The following DACT2 variants were observed in gnomAD, a reference collection of about 807,000 sequenced individuals.
The protein encoded by DACT2 is dapper homolog 2.
DACT2 carries 20 observed loss-of-function variants against 22.2 expected under a neutral mutation model. The ratio of observed to expected loss-of-function variants is 0.90; its 90% CI spans 0.63 to 1.31. The LOEUF (loss-of-function observed/expected upper bound fraction) is 1.31. DACT2 is among the 50% of genes most tolerant of loss of function. The probability of loss-of-function intolerance (pLI) is 0.00; values close to 1 mark genes in which losing one functional copy is unlikely to be tolerated. For missense variants in DACT2, 1,048 were observed against 1,061.4 expected, an observed-to-expected ratio of 0.99 and a Z score of 0.18; for synonymous variants, 463 against 479.8, an observed-to-expected ratio of 0.96 and a Z score of 0.46.
chr6:168,298,806 G>C (rs1013282499), intron 3 of DACT2: 1 of 152,182 alleles, frequency 6.6e-6, no homozygotes, highest in Non-Finnish European at 1.5e-5. Context: ...ACACCTCCAC[G>C]TGCTGGCTGG....
At position 168,319,426 on chromosome 6, in the gene DACT2, G is replaced by C. The variant is rs1445071211; in HGVS notation, c.208C>G (p.Gln70Glu). The change falls in exon 1 of 4, where the codon CAG becomes GAG. Residue 70 changes from glutamine to glutamate, a missense_variant. Gln to Glu is a conservative substitution (Grantham distance 29, BLOSUM62 2). Coordinates refer to ENST00000366795, the MANE Select transcript of DACT2 (RefSeq NM_214462.5). ...GPHGLHGPEQ[Q>E]LEAALAALQE... ...AGCGCGGCCAGCGCCGCCTCCAGCT[G>C]CTGCTCGGGGCCGTGGAGGCCGTGG... 2 of 1,204,946 alleles carry C rather than the reference G, an allele frequency of 1.7e-6. No homozygotes were observed. Among genetic ancestry groups the C allele is most frequent in the Non-Finnish European group, 1.0e-6 (1 of 971,018 alleles). The allele number at this position is 1,204,946 out of a possible 1,614,324, so 74.6% of individuals were successfully genotyped here.
intron 3 of DACT2, chr6:168,299,238 C>T (rs1449958406): frequency 1.3e-5 from 2 of 152,174 alleles, no homozygotes; most frequent in Non-Finnish European, 2.9e-5. Flanking sequence ...GTGCAGGTCT[C>T]CCCAGCTTAG....
intron 1 of DACT2, among the ~76,000 whole-genome samples, chr6:168,314,460 A>G (rs1182990721): frequency 6.6e-6 from 1 of 152,226 alleles, no homozygotes; most frequent in Non-Finnish European, 1.5e-5. Flanking sequence ...AAGCCTGGGA[A>G]CCTGCATTTT....
downstream of DACT2, among the ~76,000 whole-genome samples, chr6:168,303,080 T>C (rs1779138381): frequency 6.6e-6 from 1 of 152,210 alleles, no homozygotes; most frequent in South Asian, 2.1e-4. Flanking sequence ...TTTTGCCCTT[T>C]TTTCACTGAT....
Position 168,308,675 on chromosome 6 carries a change from G to T in DACT2, c.1082C>A (p.Ala361Glu). 6.5e-7 allele frequency: 1 copy of T among 1,545,262 alleles called. No individual in the cohort carries two copies. The highest frequency in any genetic ancestry group is 8.7e-7 in the Non-Finnish European group (1 of 1,146,854). The change falls in exon 4 of 4, where the codon GCG becomes GAG. Residue 361 changes from alanine (A) to glutamate (E), a missense_variant. By Grantham distance (107) the Ala-to-Glu change is moderately radical (BLOSUM62 -1). Coordinates refer to ENST00000366795, the MANE Select transcript of DACT2 (RefSeq NM_214462.5). ...ACCCTGCCTCTGTGGAGATGGGGAC[G>T]CTGCATGCCTTAGAGGTCCCTGTTC... ...EGEQGPLRHAASPSPQRQGGW... is the reference protein window; with the variant it reads ...EGEQGPLRHAESPSPQRQGGW...
intron 1 of DACT2, 92 bp downstream of exon 1, chr6:168,319,296 C>T (rs1265064169): frequency 3.7e-6 from 4 of 1,092,442 alleles, no homozygotes; most frequent in Non-Finnish European, 4.5e-6. Context: ...CCATCAGACA[C>T]CCCCGTCCCA....
At position 168,296,258 on chromosome 6, in the gene DACT2, T is replaced by C. The variant is rs10081129; in HGVS notation, c.659-1554A>G. Among the ~76,000 whole-genome samples the C allele has an allele frequency of 9.2e-4, 98 of 107,004 alleles. 6 individuals are homozygous for C. Among genetic ancestry groups the C allele is most frequent in the Middle Eastern group, 6.1e-3 (1 of 164 alleles). 70.2% of individuals were successfully genotyped at this position (107,004 alleles called of 152,430 possible). A position where few individuals can be genotyped will look rare whatever the true frequency, so the allele number is the denominator to read the frequency against. ...AGGGAAAGAGCAGATCCATCCACAG[T>C]GGTGAGAAGATGCTCATGGAGGACA... On this transcript the variant is annotated intron_variant, in intron 3 of 5. Transcript: ENST00000366796.
intron 1 of DACT2, among the ~76,000 whole-genome samples, chr6:168,312,533 G>C (rs966969377): frequency 7.9e-5 from 12 of 152,238 alleles, no homozygotes; most frequent in Non-Finnish European, 7.3e-5. Flanking sequence ...CCTGCCCTGA[G>C]AGGCTGCGCC....
intron 3 of DACT2, chr6:168,294,722 C>T: frequency 7.1e-7 from 1 of 1,405,552 alleles, no homozygotes; most frequent in Non-Finnish European, 9.4e-7. Context: ...GAACAAAATG[C>T]AAATGTGCGT....
Position 168,308,725 on chromosome 6 carries a change from C to G in DACT2, c.1032G>C (p.Glu344Asp), listed in dbSNP as rs953090262. 38 of 1,550,412 alleles carry G rather than the reference C, an allele frequency of 2.5e-5. No homozygotes were observed. The East Asian group carries it at 8.8e-4, about 36-fold the overall frequency. Residue 344 changes from glutamate to aspartate, a missense_variant, in exon 4 of 4, where the codon GAG (glutamate) becomes GAC (aspartate). Transcript: ENST00000366795. Reference protein sequence around the residue: ...IDRLLHLWGRETPAKGSEGEQ... With the variant: ...IDRLLHLWGRDTPAKGSEGEQ... Reference sequence around the variant, plus strand: ...CTCCCTCGCTACCCTTTGCTGGGGTCTCCCGGCCCCACAGATGCAGCAACC... The same window carrying G: ...CTCCCTCGCTACCCTTTGCTGGGGTGTCCCGGCCCCACAGATGCAGCAACC...
At position 168,307,460 on chromosome 6, in the gene DACT2, G is replaced by A. The variant is rs950560804; in HGVS notation, c.2297C>T (p.Thr766Met). The A allele has an allele frequency of 2.4e-5, 37 of 1,551,564 alleles. No individual in the cohort carries two copies. Among genetic ancestry groups the A allele is most frequent in the African/African-American group, 2.1e-4 (15 of 73,054 alleles). ...CACCATGGTCATGACCTTCAGGGCC[G>A]TCGGCTGGAACCTGCGGATCTTCTT... is the stretch of plus-strand genomic sequence containing the variant. ...LKKKIRRFQP[T>M]ALKVMTMV is the part of the protein sequence containing the mutation. The change falls in exon 4 of 4, where the codon ACG (threonine) becomes ATG (methionine). Residue 766 changes from threonine to methionine, a missense_variant. Physicochemically the swap from Thr to Met is moderately conservative, Grantham distance 81 (BLOSUM62 -1). Coordinates refer to ENST00000366795, the MANE Select transcript of DACT2 (RefSeq NM_214462.5). The surrounding 1 kb of genome is among the most constrained non-coding windows in gnomAD (Gnocchi z 5.3).
chr6:168,303,122 CT>C (rs769937848), downstream of DACT2, among the ~76,000 whole-genome samples: 11 of 152,152 alleles, frequency 7.2e-5, no homozygotes, highest in Non-Finnish European at 1.0e-4. Context: ...TAAATACATA[CT>C]TGACCCGTAA....
In DACT2 at chr6:168,310,357, T is replaced by C; in HGVS notation, c.469A>G (p.Ser157Gly). The C allele has an allele frequency of 6.4e-7, 1 of 1,551,602 alleles. No individual in the cohort carries two copies. Among genetic ancestry groups the C allele is most frequent in the Non-Finnish European group, 8.7e-7 (1 of 1,146,954 alleles). ...CSDHISPSLG[S>G]LLPVAQAHKA... ...TGGGCCTGGGCCACAGGCAACAAAC[T>C]GCCCAGCGAGGGAGAGATGTGGTCA... Residue 157 changes from serine (S) to glycine (G), a missense_variant, in exon 3 of 4, where the codon AGT becomes GGT. Coordinates refer to ENST00000366795, the MANE Select transcript of DACT2 (RefSeq NM_214462.5).
At chr6:168,309,272 CAG>C (rs1040110392) in intron 3 of DACT2, among the ~76,000 whole-genome samples, 174 bp from the exon 4 acceptor site, 77 of 152,202 alleles carry the variant, frequency 5.1e-4, no homozygotes, top group African/African-American at 1.7e-3. Flanking sequence ...CGTGTAGACA[CAG>C]GGCGCGGGGC....
intron 1 of DACT2, among the ~76,000 whole-genome samples, chr6:168,319,113 G>C (rs534794638): frequency 6.6e-6 from 1 of 152,296 alleles, no homozygotes; most frequent in South Asian, 2.1e-4. Context: ...CGGGATGCTG[G>C]CGTGGGTAGG....
intron 1 of DACT2, among the ~76,000 whole-genome samples, chr6:168,315,472 G>A (rs1030420865): frequency 2.2e-4 from 33 of 152,286 alleles, no homozygotes; most frequent in African/African-American, 5.3e-4. Context: ...CACTTGGGTC[G>A]GAGGGCACGG....
At chr6:168,299,360 A>G (rs3800537) in intron 3 of DACT2, 21,974 of 152,194 alleles carry the variant, frequency 0.14, 1,646 homozygotes, top group Middle Eastern at 0.19. Context: ...AGATGAACAT[A>G]CGTGAGTTCT....
downstream of DACT2, among the ~76,000 whole-genome samples, chr6:168,302,847 T>C (rs997514011): frequency 6.6e-6 from 1 of 152,152 alleles, no homozygotes; most frequent in African/African-American, 2.4e-5. Context: ...TGCTGGATAG[T>C]GGCGGGGCCC....
intron 3 of DACT2, among the ~76,000 whole-genome samples, chr6:168,297,260 T>C (rs571473325): frequency 2.6e-5 from 4 of 152,212 alleles, no homozygotes; most frequent in African/African-American, 9.6e-5. Flanking sequence ...AATATGTCAG[T>C]TGATGTGGCA....
Sources: gnomAD v4.1 joint callset for allele counts (sites outside exome capture counted in the v4.1 genomes callset) on GRCh38, gnomAD v4.1.1 for gene constraint, Gnocchi (gnomAD v3.1) non-coding constraint, MANE v1.5 for transcripts, NCBI Gene and HGNC (gene_info 2026-07-23, HGNC 2026-07-21) for gene names.